Variants in CAMK2D observed in about 807,000 individuals in gnomAD.
CAMK2D encodes calcium/calmodulin-dependent protein kinase type II subunit delta.
A neutral mutation model predicts 84.0 loss-of-function variants in CAMK2D; 37 were observed. The observed-to-expected ratio is 0.44, with a 90% confidence interval of 0.34 to 0.58. The LOEUF (loss-of-function observed/expected upper bound fraction) is 0.58, where lower values mean the gene tolerates loss of function less well. Among genes scored for constraint, CAMK2D ranks in the 20% least tolerant of loss-of-function variants. The pLI is 0.02. For missense variants in CAMK2D, 448 were observed against 652.5 expected (o/e 0.69, Z 3.41); for synonymous variants, 202 against 212.5 (o/e 0.95, Z 0.43).
chr4:113,596,026 C>T (rs187323444), intron 4 of CAMK2D, among the ~76,000 whole-genome samples: 131 of 152,318 alleles, frequency 8.6e-4, no homozygotes, highest in African/African-American at 3.0e-3. Flanking sequence ...TGGAGTCAAT[C>T]CTCTCAAACC....
chr4:113,559,043 A>T (rs199751063), intron 4 of CAMK2D, among the ~76,000 whole-genome samples: 1 of 152,168 alleles, frequency 6.6e-6, no homozygotes, highest in African/African-American at 2.4e-5. Context: ...GATTACTAAC[A>T]TGTCATGCAT....
intron 3 of CAMK2D, among the ~76,000 whole-genome samples, chr4:113,648,606 A>G (rs1423187923): frequency 6.6e-6 from 1 of 151,912 alleles, no homozygotes; most frequent in African/African-American, 2.4e-5. Flanking sequence ...GAATGGGGGG[A>G]AAAAGCACCC....
intron 4 of CAMK2D, among the ~76,000 whole-genome samples, chr4:113,592,891 C>G (rs1029802779): frequency 2.7e-5 from 4 of 150,864 alleles, no homozygotes; most frequent in Non-Finnish European, 4.4e-5. Flanking sequence ...GTCTCTTGCT[C>G]TACCCAGGCT....
chr4:113,650,307 C>T (rs1048852845), intron 3 of CAMK2D, among the ~76,000 whole-genome samples: 16 of 151,860 alleles, frequency 1.1e-4, no homozygotes, highest in African/African-American at 2.9e-4. Context: ...ATCACGAGGT[C>T]AGGAGTTCGA....
intron 13 of CAMK2D, chr4:113,508,378 A>C: frequency 2.6e-6 from 2 of 755,092 alleles, no homozygotes; most frequent in South Asian, 3.2e-5. Flanking sequence ...GAGGAGCTAT[A>C]AGTTGAATGG....
intron 3 of CAMK2D, among the ~76,000 whole-genome samples, chr4:113,641,694 C>T (rs2099132809): frequency 1.3e-5 from 2 of 152,202 alleles, no homozygotes; most frequent in African/African-American, 2.4e-5. Context: ...GTATCACAAT[C>T]ACCTGGGTGC....
chr4:113,635,877 G>C (rs1183246179), intron 3 of CAMK2D, among the ~76,000 whole-genome samples: 1 of 152,210 alleles, frequency 6.6e-6, no homozygotes, highest in African/African-American at 2.4e-5. Context: ...TGGACTGATA[G>C]CCTGCTGACA....
At chr4:113,750,646 T>C (rs1432368664) in intron 2 of CAMK2D, among the ~76,000 whole-genome samples, 3 of 152,174 alleles carry the variant, frequency 2.0e-5, no homozygotes, top group African/African-American at 7.2e-5. Context: ...GATCTAATGA[T>C]GAGCTGAATA....
At chr4:113,619,410 C>T (rs1229891440) in intron 3 of CAMK2D, among the ~76,000 whole-genome samples, 1 of 152,094 alleles carries the variant, frequency 6.6e-6, no homozygotes, top group Non-Finnish European at 1.5e-5. Flanking sequence ...GTTCAGAATC[C>T]TCCAATGGCT....
At chr4:113,580,578 C>T (rs1043050142) in intron 4 of CAMK2D, among the ~76,000 whole-genome samples, 2 of 152,124 alleles carry the variant, frequency 1.3e-5, no homozygotes, top group Non-Finnish European at 2.9e-5. Context: ...CTTCTTGTTG[C>T]ATATACTCTT....
In CAMK2D at chr4:113,597,894, T is replaced by C. The variant is rs547969574; in HGVS notation, c.275+11258A>G. 3.9e-5 allele frequency among the ~76,000 whole-genome samples: 6 copies of C among 152,226 alleles called. No homozygotes were observed. The South Asian group carries it at 1.2e-3, about 32-fold the overall frequency. On this transcript the variant is annotated intron_variant, in intron 4 of 20. Transcript: ENST00000511664. ...TTCAATATCTTTGTGTCTCAGGGAA[T>C]AGGAAGGCCTGAGGAAAGGGAAAGA...
chr4:113,743,045 T>C (rs568426500), intron 2 of CAMK2D, among the ~76,000 whole-genome samples: 3 of 152,304 alleles, frequency 2.0e-5, no homozygotes, highest in East Asian at 3.9e-4. Flanking sequence ...CACTTTCAAG[T>C]AGAAAAAGAA....
At chr4:113,727,954 C>G (rs2099551223) in intron 2 of CAMK2D, among the ~76,000 whole-genome samples, 2 of 151,998 alleles carry the variant, frequency 1.3e-5, no homozygotes, top group African/African-American at 4.8e-5. Flanking sequence ...AAATTAAAAC[C>G]ACACTGAGAT....
intron 4 of CAMK2D, among the ~76,000 whole-genome samples, chr4:113,585,998 C>T (rs947638611): frequency 9.9e-5 from 15 of 152,090 alleles, no homozygotes; most frequent in Non-Finnish European, 2.2e-4. Flanking sequence ...ATCCTGGCTG[C>T]CTCTTCTTTC....
chr4:113,456,591 T>C (rs1329320997), intron 19 of CAMK2D: 1 of 152,222 alleles, frequency 6.6e-6, no homozygotes, highest in Non-Finnish European at 1.5e-5. Flanking sequence ...TTCTATCTTA[T>C]ATACAAAGTG....
At chr4:113,457,177 A>G in intron 19 of CAMK2D, 158 bp downstream of exon 19, 1 of 1,441,738 alleles carries the variant, frequency 6.9e-7, no homozygotes, top group Admixed American at 2.8e-5. Flanking sequence ...TGATCTTTCC[A>G]GAGAATCATA....
chr4:113,460,054 T>G, intron 18 of CAMK2D, 93 bp downstream of exon 18: 1 of 761,742 alleles, frequency 1.3e-6, no homozygotes, highest in Non-Finnish European at 2.4e-6. Flanking sequence ...AGGTAAAAAC[T>G]CTCATTGTAG....
intron 12 of CAMK2D, among the ~76,000 whole-genome samples, chr4:113,510,353 T>G (rs1326920220): frequency 6.6e-6 from 1 of 152,160 alleles, no homozygotes; most frequent in East Asian, 1.9e-4. Flanking sequence ...GCCTTTACAA[T>G]GAAAAAGTAA....
intron 2 of CAMK2D, among the ~76,000 whole-genome samples, chr4:113,700,651 T>C (rs755972077): frequency 6.6e-6 from 1 of 151,006 alleles, no homozygotes; most frequent in Non-Finnish European, 1.5e-5. Flanking sequence ...CTGCTTCAGC[T>C]ACCTCTCTAG....
Sources: allele counts gnomAD v4.1 joint callset (sites outside exome capture counted in the v4.1 genomes callset), GRCh38; gene constraint gnomAD v4.1.1; transcripts MANE v1.5; gene names NCBI Gene and HGNC (gene_info 2026-07-23, HGNC 2026-07-21).